Variants in PCDH11X observed in about 807,000 individuals in gnomAD.
The protein encoded by PCDH11X is protocadherin 11 X-linked, also known as protocadherin-11 X-linked.
PCDH11X carries 18 observed loss-of-function variants against 53.3 expected under a neutral mutation model. The ratio of observed to expected loss-of-function variants is 0.34; its 90% confidence interval spans 0.23 to 0.50. The LOEUF (loss-of-function observed/expected upper bound fraction) is 0.50. Ranked by LOEUF, PCDH11X falls within the 20% of genes least tolerant of loss-of-function variation. PCDH11X has a pLI of 0.98. For synonymous variants in PCDH11X, 279 were observed against 393.3 expected, an observed-to-expected ratio of 0.71 and a Z score of 3.44; for missense variants, 570 against 1,032.4, an observed-to-expected ratio of 0.55 and a Z score of 6.14.
intron 6 of PCDH11X, among the ~76,000 whole-genome samples, chrX:92,116,656 A>G (rs7061935): frequency 0.37 from 41,178 of 110,385 alleles, 7,581 homozygotes; most frequent in East Asian, 0.87. Context: ...GCACAATCAC[A>G]GCTCATCGTA....
At chrX:92,265,727 G>A (rs1044469096) in intron 8 of PCDH11X, among the ~76,000 whole-genome samples, 1 of 110,975 alleles carries the variant, frequency 9.0e-6, no homozygotes, top group African/African-American at 3.3e-5. Context: ...CTTGCCTAAG[G>A]TTACAGAGCT....
intron 8 of PCDH11X, among the ~76,000 whole-genome samples, chrX:92,351,763 G>A (rs2070056681): frequency 9.0e-6 from 1 of 111,611 alleles, no homozygotes; most frequent in Admixed American, 9.6e-5. Context: ...GGAATCTGCT[G>A]TAGGTGAGCT....
chrX:91,831,780 ACT>A (rs1192505943), intron 4 of PCDH11X, among the ~76,000 whole-genome samples: 2 of 84,893 alleles, frequency 2.4e-5, no homozygotes, highest in Non-Finnish European at 4.6e-5. Context: ...TCAAATATAA[ACT>A]CTGTTTTGTT....
At chrX:92,472,562 C>T (rs924398161) in intron 10 of PCDH11X, among the ~76,000 whole-genome samples, 5 of 108,293 alleles carry the variant, frequency 4.6e-5, no homozygotes, top group African/African-American at 1.3e-4. Context: ...GTACCTCTGC[C>T]TTTGTTCATT....
intron 9 of PCDH11X, among the ~76,000 whole-genome samples, chrX:92,432,290 G>C (rs1341209095): frequency 9.1e-6 from 1 of 110,397 alleles, no homozygotes; most frequent in African/African-American, 3.3e-5. Flanking sequence ...GCTTTCAACA[G>C]AAATACCATT....
intron 5 of PCDH11X, among the ~76,000 whole-genome samples, chrX:91,841,356 G>A (rs956627907): frequency 4.5e-5 from 5 of 111,496 alleles, no homozygotes; most frequent in African/African-American, 9.8e-5. Context: ...GTTGGACATC[G>A]TAAATAGTTC....
intron 10 of PCDH11X, among the ~76,000 whole-genome samples, chrX:92,527,312 C>G (rs35061227): frequency 9.0e-6 from 1 of 111,213 alleles, no homozygotes; most frequent in African/African-American, 3.3e-5. Context: ...CTTGAGGGGA[C>G]AAATATCTCA....
chrX:92,317,039 A>G (rs2069092411), intron 8 of PCDH11X, among the ~76,000 whole-genome samples: 1 of 111,789 alleles, frequency 8.9e-6, no homozygotes, highest in Admixed American at 9.6e-5. Context: ...CAAGGGGGAA[A>G]AAAACAGAAA....
intron 6 of PCDH11X, among the ~76,000 whole-genome samples, chrX:92,041,124 T>C (rs1391840160): frequency 9.4e-6 from 1 of 106,884 alleles, no homozygotes; most frequent in African/African-American, 3.4e-5. Flanking sequence ...TAACATTTCA[T>C]GTCCTCTTTT....
intron 10 of PCDH11X, among the ~76,000 whole-genome samples, chrX:92,545,624 C>T (rs1262667288): frequency 9.1e-6 from 1 of 110,298 alleles, no homozygotes; most frequent in Non-Finnish European, 1.9e-5. Context: ...TGGTCTTGAA[C>T]TCCTGACTTC....
intron 6 of PCDH11X, among the ~76,000 whole-genome samples, chrX:92,148,267 G>C (rs1267110070): frequency 2.2e-5 from 2 of 92,166 alleles, no homozygotes; most frequent in Non-Finnish European, 4.2e-5. Context: ...TCTTGCTCAG[G>C]CTGGAGGCTG....
At chrX:92,264,568 C>G (rs948865429) in intron 8 of PCDH11X, among the ~76,000 whole-genome samples, 2 of 111,357 alleles carry the variant, frequency 1.8e-5, no homozygotes, top group African/African-American at 6.5e-5. Flanking sequence ...GAGAGAAGAT[C>G]TACAGATTTG....
At chrX:92,595,068 A>G (rs1057391297) in intron 10 of PCDH11X, among the ~76,000 whole-genome samples, 73 of 110,731 alleles carry the variant, frequency 6.6e-4, no homozygotes, top group African/African-American at 2.2e-3. Flanking sequence ...CTTTTGTAAC[A>G]GGAAAAAATT....
chrX:91,968,867 A>G (rs993607671), intron 6 of PCDH11X, among the ~76,000 whole-genome samples: 1 of 111,971 alleles, frequency 8.9e-6, no homozygotes, highest in Non-Finnish European at 1.9e-5. Context: ...ACATATATGT[A>G]TAACATGGAA....
In PCDH11X at chrX:92,113,689, C is replaced by T. The variant is rs6615327; in HGVS notation, c.3034-87686C>T. On this transcript the variant is annotated intron_variant, in intron 6 of 10. Transcript: ENST00000682573. Reference sequence around the variant, plus strand: ...CAAGTCACATAGTGTGTCCAGCTTCCACTCCTCTCGTTCCACGTTGATGTA... The same window carrying T: ...CAAGTCACATAGTGTGTCCAGCTTCTACTCCTCTCGTTCCACGTTGATGTA... 5.6e-3 allele frequency: 6,715 copies of T among 1,199,988 alleles called. 554 individuals are homozygous for T. In the African/African-American group the frequency reaches 0.097, roughly 17 times the overall value.
intron 9 of PCDH11X, among the ~76,000 whole-genome samples, chrX:92,392,110 G>T (rs1002370843): frequency 3.6e-5 from 4 of 110,878 alleles, no homozygotes; most frequent in African/African-American, 1.3e-4. Context: ...AGCTGGTCTA[G>T]TGTCTAGCAT....
At chrX:91,985,646 G>A (rs1255043344) in intron 6 of PCDH11X, among the ~76,000 whole-genome samples, 1 of 112,420 alleles carries the variant, frequency 8.9e-6, no homozygotes, top group South Asian at 3.7e-4. Flanking sequence ...CTGAAATGGA[G>A]ATTTTCCTGA....
At chrX:92,086,831 T>C (rs1263498933) in intron 6 of PCDH11X, among the ~76,000 whole-genome samples, 1 of 110,823 alleles carries the variant, frequency 9.0e-6, no homozygotes, top group African/African-American at 3.3e-5. Flanking sequence ...AAACAGCCTT[T>C]ATCCCAAGTA....
chrX:92,436,597 G>A (rs1297307649), intron 9 of PCDH11X, among the ~76,000 whole-genome samples: 1 of 111,471 alleles, frequency 9.0e-6, no homozygotes, highest in Non-Finnish European at 1.9e-5. Context: ...ATGACAGATT[G>A]GATAAAGAAA....
Sources: gnomAD v4.1 joint callset for allele counts (sites outside exome capture counted in the v4.1 genomes callset) on GRCh38, gnomAD v4.1.1 for gene constraint, MANE v1.5 for transcripts, NCBI Gene and HGNC (gene_info 2026-07-23, HGNC 2026-07-21) for gene names.